The following CCDC88A variants were observed in gnomAD, a reference collection of about 807,000 sequenced individuals.
The protein encoded by CCDC88A is coiled-coil and HOOK domain protein 88A.
Under a neutral mutation model 234.3 loss-of-function variants are expected in CCDC88A, and 54 were observed. The observed-to-expected ratio is 0.23, with a 90% CI of 0.19 to 0.29. The LOEUF is 0.29. CCDC88A is among the 10% of genes least tolerant of loss of function. CCDC88A has a pLI of 1.00. For synonymous variants in CCDC88A, 753 were observed against 737.8 expected, an observed-to-expected ratio of 1.02 and a Z score of -0.33; for missense variants, 1,832 against 2,123.4, an observed-to-expected ratio of 0.86 and a Z score of 2.70.
chr2:55,302,808 C>A, intron 26 of CCDC88A: 1 of 250,160 alleles, frequency 4.0e-6, no homozygotes, highest in South Asian at 1.2e-4. Flanking sequence ...TTTTTCCTGC[C>A]AATTTTTAGA....
intron 25 of CCDC88A, 28 bp downstream of exon 25, chr2:55,308,781 A>G (rs1293444845): frequency 6.5e-7 from 1 of 1,535,826 alleles, no homozygotes; most frequent in East Asian, 2.2e-5. Flanking sequence ...CTAAATCAAT[A>G]CGATGTTTAA....
chr2:55,292,374 A>G (rs1032248070), intron 31 of CCDC88A: 2 of 152,230 alleles, frequency 1.3e-5, no homozygotes, highest in African/African-American at 4.8e-5. Context: ...CTTAGAGGAA[A>G]TAAGTGCAAT....
intron 5 of CCDC88A, among the ~76,000 whole-genome samples, chr2:55,365,279 G>A (rs1671803098): frequency 6.6e-6 from 1 of 152,034 alleles, no homozygotes; most frequent in African/African-American, 2.4e-5. Context: ...GACAGGCCTT[G>A]TAAGAACAAT....
chr2:55,354,740 A>G (rs1429385205), intron 8 of CCDC88A, among the ~76,000 whole-genome samples: 1 of 149,046 alleles, frequency 6.7e-6, no homozygotes. Flanking sequence ...ATTTTTTTGT[A>G]TCTTCTAGTA....
chr2:55,415,145 T>G (rs1681153124), intron 2 of CCDC88A, among the ~76,000 whole-genome samples: 1 of 148,520 alleles, frequency 6.7e-6, no homozygotes, highest in Non-Finnish European at 1.5e-5. Flanking sequence ...AGAGCAAAAA[T>G]GTAATTAAAA....
In CCDC88A at chr2:55,309,195, T is replaced by G; in HGVS notation, c.4139A>C (p.Gln1380Pro). The change falls in exon 24 of 33, where the codon CAA (glutamine) becomes CCA (proline). Residue 1380 changes from glutamine to proline, a missense_variant. Gln to Pro is a moderately conservative substitution (Grantham distance 76). Coordinates refer to ENST00000436346, the MANE Select transcript of CCDC88A (RefSeq NM_001365480.1). The surrounding 1 kb of genome is among the most constrained non-coding windows in gnomAD (Gnocchi z 5.1). ...AGGAGATGGGTCATAAAATTTGTAT[T>G]GATCCATAATTTTCTCTTCTAGTTT... ...KEKLEEKIMD[Q>P]YKFYDPSPPR... The G allele has an allele frequency of 6.4e-7, 1 of 1,561,554 alleles. No homozygotes were observed. The highest frequency in any genetic ancestry group is 8.8e-7 in the Non-Finnish European group (1 of 1,140,426).
chr2:55,370,643 A>C (rs1672695809), intron 5 of CCDC88A, among the ~76,000 whole-genome samples: 1 of 58,414 alleles, frequency 1.7e-5, no homozygotes, highest in African/African-American at 1.4e-4. Context: ...CTCTGTCTCA[A>C]AAAAAAAAAA....
At chr2:55,299,556 G>A (rs1680630577) in intron 29 of CCDC88A, among the ~76,000 whole-genome samples, 1 of 152,092 alleles carries the variant, frequency 6.6e-6, no homozygotes, top group South Asian at 2.1e-4. Flanking sequence ...CAAAATGTCA[G>A]TAAAATAAGG....
chr2:55,412,447 G>C (rs1574524516), intron 2 of CCDC88A, among the ~76,000 whole-genome samples: 1 of 152,318 alleles, frequency 6.6e-6, no homozygotes, highest in East Asian at 1.9e-4. Context: ...TGGTGGGCGG[G>C]CAAGCATTAC....
At chr2:55,414,567 A>C (rs544531216) in intron 2 of CCDC88A, among the ~76,000 whole-genome samples, 1 of 152,336 alleles carries the variant, frequency 6.6e-6, no homozygotes, top group South Asian at 2.1e-4. Context: ...AAAGCTACTC[A>C]ATGAAATTCA....
In CCDC88A at chr2:55,418,927, C is replaced by T; in HGVS notation, c.64-11G>A. 1 of 1,611,702 alleles carries T rather than the reference C, an allele frequency of 6.2e-7. No homozygotes were observed. Among genetic ancestry groups the T allele is most frequent in the East Asian group, 2.2e-5 (1 of 44,866 alleles). On this transcript the variant is annotated splice_polypyrimidine_tract_variant and intron_variant, in intron 1 of 32. Transcript: ENST00000436346. Reference sequence around the variant, plus strand: ...TCCAAACGTTTTAACCTAGAACAAACAGAAGGATCACCACGACATGAACGC... The same window carrying T: ...TCCAAACGTTTTAACCTAGAACAAATAGAAGGATCACCACGACATGAACGC...
chr2:55,389,648 A>G (rs1468686124), intron 2 of CCDC88A, among the ~76,000 whole-genome samples: 1 of 152,178 alleles, frequency 6.6e-6, no homozygotes, highest in Non-Finnish European at 1.5e-5. Context: ...CATAATTCTC[A>G]AACTTTTAGG....
intron 13 of CCDC88A, 135 bp from the exon 14 acceptor site, chr2:55,336,953 T>C (rs1396854854): frequency 5.4e-6 from 3 of 554,882 alleles, no homozygotes; most frequent in Non-Finnish European, 6.1e-6. Context: ...GAAATTAGTA[T>C]AGAAATTCAA....
rs1558789005 is a variant in CCDC88A at position 55,384,629 on chromosome 2, A to ACG, written c.273+4148_273+4149insCG. Among the ~76,000 whole-genome samples, 2 of 114,352 alleles carry ACG rather than the reference A, an allele frequency of 1.7e-5. 1 individual carries two copies. The highest frequency in any genetic ancestry group is 7.2e-5 in the African/African-American group (2 of 27,678). The allele number at this position is 114,352 out of a possible 152,430, so 75.0% of individuals were successfully genotyped here. The stretch of plus-strand genomic sequence containing the variant: ...TATATGTGTATATATACGTATATAT[A>ACG]TGTATATATGTGTATATATACATAT... On this transcript the variant is annotated intron_variant, in intron 3 of 32. Coordinates refer to ENST00000436346, the MANE Select transcript of CCDC88A (RefSeq NM_001365480.1).
intron 2 of CCDC88A, among the ~76,000 whole-genome samples, chr2:55,409,452 T>C (rs1486368494): frequency 6.6e-6 from 1 of 152,260 alleles, no homozygotes; most frequent in African/African-American, 2.4e-5. Context: ...TTCCTTATCA[T>C]GGCACAGATA....
intron 12 of CCDC88A, among the ~76,000 whole-genome samples, chr2:55,341,885 A>C (rs1250254523): frequency 1.3e-5 from 2 of 152,204 alleles, no homozygotes; most frequent in Non-Finnish European, 2.9e-5. Flanking sequence ...ATGGGAATGC[A>C]GATATCTCTT....
Position 55,317,915 on chromosome 2 carries a change from G to A in CCDC88A, c.3325-74C>T. ...CTTTTTCAAAATACAAGATTACAAT[G>A]TTAATTAAAGAAAGCTCTAAATGAA... On this transcript the variant is annotated intron_variant, in intron 19 of 32. Transcript: ENST00000436346. This position sits in a 1 kb window ranked among gnomAD's most constrained non-coding sequence, Gnocchi z 4.2. 2 of 1,069,298 alleles carry A rather than the reference G, an allele frequency of 1.9e-6. No individual in the cohort carries two copies. Among genetic ancestry groups the A allele is most frequent in the Non-Finnish European group, 2.7e-6 (2 of 742,806 alleles). 66.2% of individuals were successfully genotyped at this position (1,069,298 alleles called of 1,614,324 possible). A position where few individuals can be genotyped will look rare whatever the true frequency, so the allele number is the denominator to read the frequency against.
intron 3 of CCDC88A, among the ~76,000 whole-genome samples, chr2:55,384,258 G>C (rs1675083499): frequency 6.7e-6 from 1 of 149,248 alleles, no homozygotes; most frequent in African/African-American, 2.5e-5. Context: ...AGGTGGGGCA[G>C]AGGTTGCAGT....
In CCDC88A at chr2:55,388,805, C is replaced by T. The variant is rs2104892738; in HGVS notation, c.246G>A (p.Leu82=). The T allele has an allele frequency of 6.6e-7, 1 of 1,510,044 alleles. No homozygotes were observed. The highest frequency in any genetic ancestry group is 9.1e-7 in the Non-Finnish European group (1 of 1,103,308). The allele number at this position is 1,510,044 out of a possible 1,614,324, so 93.5% of individuals were successfully genotyped here. The change falls in exon 3 of 33, where the codon TTG becomes TTA. Residue 82 remains leucine (L), a synonymous_variant. Transcript: ENST00000436346. Reference sequence around the variant, plus strand: ...GGTAATAAAATTTTATCTGTCTCACCAAAATGGATAGATTGTGCATTCTAA... The same window carrying T: ...GGTAATAAAATTTTATCTGTCTCACTAAAATGGATAGATTGTGCATTCTAA... The part of the protein sequence containing the change: ...ASLRMHNLSI[L]VRQIKFYYQE...
Sources: gnomAD v4.1 joint callset for allele counts (sites outside exome capture counted in the v4.1 genomes callset) on GRCh38, gnomAD v4.1.1 for gene constraint, Gnocchi (gnomAD v3.1) non-coding constraint, MANE v1.5 for transcripts, NCBI Gene and HGNC (gene_info 2026-07-23, HGNC 2026-07-21) for gene names.